The following PLCH1 variants were observed in gnomAD, a reference collection of about 807,000 sequenced individuals.
PLCH1 encodes 1-phosphatidylinositol 4,5-bisphosphate phosphodiesterase eta-1.
In PLCH1, 60 loss-of-function variants were observed where a neutral mutation model predicts 126.7. The observed-to-expected ratio is 0.47, with a 90% CI of 0.38 to 0.59. The LOEUF (loss-of-function observed/expected upper bound fraction) is 0.59. Among genes scored for constraint, PLCH1 ranks in the 20% least tolerant of loss-of-function variants. The pLI is 0.00. For synonymous variants in PLCH1, 719 were observed against 734.9 expected (o/e 0.98, Z 0.35); for missense variants, 1,723 against 2,040.0 (o/e 0.84, Z 2.99).
At chr3:155,472,607 C>A (rs1304029479) in intron 21 of PLCH1, among the ~76,000 whole-genome samples, 1 of 151,812 alleles carries the variant, frequency 6.6e-6, no homozygotes, top group Non-Finnish European at 1.5e-5. Context: ...ATACCAAAGC[C>A]GGGCAGAGAC....
At chr3:155,476,912 TATGGA>T (rs1713567921), downstream of PLCH1, among the ~76,000 whole-genome samples, 1 of 152,132 alleles carries the variant, frequency 6.6e-6, no homozygotes, top group Admixed American at 6.5e-5. Context: ...CTAAAATTTA[TATGGA>T]ACCACAAAAG....
At chr3:155,700,509 C>A (rs6766660) in intron 2 of PLCH1, among the ~76,000 whole-genome samples, 4,881 of 152,216 alleles carry the variant, frequency 0.032, 230 homozygotes, top group African/African-American at 0.099. Context: ...ATTCATTTAA[C>A]AACATGATGG....
rs536257125 is a variant in PLCH1 at position 155,485,444 on chromosome 3, A to T, written c.2886T>A (p.Ser962=). The part of the protein sequence containing the change: ...TTRSLQARPV[S]MPVDRNLLGA... ...CCAGAAGGTTTCTGTCAACAGGCAT[A>T]GAGACAGGGCGTGCTTGCAAACTGC... The change falls in exon 22 of 23, where the codon TCT becomes TCA. Residue 962 remains serine, a synonymous_variant. Transcript: ENST00000460012. 1.2e-6 allele frequency: 2 copies of T among 1,614,004 alleles called. No individual in the cohort carries two copies. Among genetic ancestry groups the T allele is most frequent in the Admixed American group, 1.7e-5 (1 of 60,022 alleles).
At chr3:155,703,139 T>C (rs368956697) in intron 2 of PLCH1, among the ~76,000 whole-genome samples, 1 of 152,232 alleles carries the variant, frequency 6.6e-6, no homozygotes. Context: ...GGTTGTATAA[T>C]GAACGTTGAA....
intron 21 of PLCH1, among the ~76,000 whole-genome samples, chr3:155,456,207 TC>T (rs1445424849): frequency 6.6e-6 from 1 of 152,158 alleles, no homozygotes; most frequent in Non-Finnish European, 1.5e-5. Context: ...CTTTACCGTA[TC>T]CTCCTCTTCT....
intron 2 of PLCH1, among the ~76,000 whole-genome samples, chr3:155,646,499 A>G (rs1740080365): frequency 6.6e-6 from 1 of 152,074 alleles, no homozygotes; most frequent in South Asian, 2.1e-4. Context: ...TCATTCCCAC[A>G]CTCAAATCCT....
intron 21 of PLCH1, chr3:155,456,764 T>C (rs911533476): frequency 1.3e-5 from 2 of 152,596 alleles, no homozygotes; most frequent in African/African-American, 4.8e-5. Flanking sequence ...AAATCTTTTG[T>C]TTCCTTCCCA....
intron 9 of PLCH1, among the ~76,000 whole-genome samples, chr3:155,550,205 T>C (rs1314983340): frequency 6.6e-6 from 1 of 152,214 alleles, no homozygotes; most frequent in Admixed American, 6.5e-5. Flanking sequence ...GCTTTTCTAA[T>C]ATTTTGCATC....
rs1727907892 is a variant in PLCH1, at chr3:155,563,511, C to T, written c.1069+1404G>A. ...TACCTCTTCAATACTGCATCCTTAA[C>T]ATCATCTCTTTCTCACTTAGTCCAA... On this transcript the variant is annotated intron_variant, in intron 8 of 22. Transcript: ENST00000460012. Among the ~76,000 whole-genome samples the T allele has an allele frequency of 2.6e-5, 4 of 152,132 alleles. No homozygotes were observed. In the South Asian group the frequency reaches 8.3e-4, roughly 32 times the overall value.
intron 1 of PLCH1, among the ~76,000 whole-genome samples, chr3:155,704,947 A>C (rs1034844647): frequency 1.3e-5 from 2 of 152,222 alleles, no homozygotes; most frequent in African/African-American, 4.8e-5. Context: ...CAACAACTTG[A>C]AAAGCAGAGA....
rs540643240 is a variant in PLCH1, at chr3:155,470,683, C to T, written c.2938+14673G>A. Among the ~76,000 whole-genome samples the T allele has an allele frequency of 4.9e-3, 746 of 152,162 alleles. 2 individuals are homozygous for T. The highest frequency in any genetic ancestry group is 8.1e-3 in the Admixed American group (124 of 15,290). The stretch of plus-strand genomic sequence containing the variant: ...GTTAAGGGCAGCCAGAGAGAAAGGT[C>T]GGGTTACCCTCAAAGGGAAGCCCAC... On this transcript the variant is annotated intron_variant, in intron 21 of 21. Transcript: ENST00000494598.
intron 1 of PLCH1, among the ~76,000 whole-genome samples, chr3:155,728,221 G>A (rs1748490165): frequency 6.6e-6 from 1 of 152,110 alleles, no homozygotes; most frequent in African/African-American, 2.4e-5. Flanking sequence ...GTGTTGCTAA[G>A]AAGAGAGCTG....
chr3:155,503,719 G>A (rs567921943), intron 13 of PLCH1, among the ~76,000 whole-genome samples: 2 of 152,070 alleles, frequency 1.3e-5, no homozygotes, highest in Non-Finnish European at 2.9e-5. Context: ...TGTATTTTTA[G>A]TAGAGACAGT....
At chr3:155,690,577 A>G (rs532106233) in intron 2 of PLCH1, among the ~76,000 whole-genome samples, 2 of 152,294 alleles carry the variant, frequency 1.3e-5, no homozygotes, top group South Asian at 4.1e-4. Context: ...GTACAAAGAA[A>G]ATTACCTGCC....
At chr3:155,534,209 G>A (rs1054453885) in intron 10 of PLCH1, among the ~76,000 whole-genome samples, 1 of 152,230 alleles carries the variant, frequency 6.6e-6, no homozygotes, top group Non-Finnish European at 1.5e-5. Context: ...TGGGAGGGGT[G>A]TTGTACCCTG....
rs1354932178 is a variant in PLCH1 at position 155,497,738 on chromosome 3, A to G, written c.1797-321T>C. Among the ~76,000 whole-genome samples, 3 of 152,162 alleles carry G rather than the reference A, an allele frequency of 2.0e-5. No individual in the cohort carries two copies. The East Asian group carries it at 5.8e-4, about 29-fold the overall frequency. On this transcript the variant is annotated intron_variant, in intron 14 of 22. Transcript: ENST00000460012. Reference sequence around the variant, plus strand: ...GAGATTTTTTTTCTTTTTTTGAGACAGAGTCTCTCTCTGTTGCCCAAGCTG... The same window carrying G: ...GAGATTTTTTTTCTTTTTTTGAGACGGAGTCTCTCTCTGTTGCCCAAGCTG...
intron 2 of PLCH1, among the ~76,000 whole-genome samples, chr3:155,698,324 G>T (rs1308399097): frequency 2.0e-5 from 3 of 152,162 alleles, no homozygotes; most frequent in Non-Finnish European, 4.4e-5. Flanking sequence ...AGAATTTTTT[G>T]TATCTCCAAG....
intron 4 of PLCH1, among the ~76,000 whole-genome samples, chr3:155,588,456 C>T (rs187081187): frequency 2.0e-5 from 3 of 152,212 alleles, no homozygotes; most frequent in African/African-American, 7.2e-5. Flanking sequence ...TACTCTATGC[C>T]CCACAAAGTA....
At chr3:155,680,319 G>A (rs1024907847) in intron 2 of PLCH1, among the ~76,000 whole-genome samples, 5 of 152,018 alleles carry the variant, frequency 3.3e-5, no homozygotes, top group Admixed American at 3.3e-4. Context: ...GGAGGCAGAG[G>A]TTGCAGTGAG....
Sources: gnomAD v4.1 joint callset for allele counts (sites outside exome capture counted in the v4.1 genomes callset) on GRCh38, gnomAD v4.1.1 for gene constraint, MANE v1.5 for transcripts, NCBI Gene and HGNC (gene_info 2026-07-23, HGNC 2026-07-21) for gene names.